Variants in SH3KBP1 observed in about 807,000 individuals in gnomAD.
SH3KBP1 encodes SH3 domain-containing kinase-binding protein 1.
SH3KBP1 carries 8 observed loss-of-function variants against 50.1 expected under a neutral mutation model. The ratio of observed to expected loss-of-function variants is 0.16; its 90% CI spans 0.09 to 0.29. SH3KBP1 has a LOEUF of 0.29. SH3KBP1 is among the 10% of genes least tolerant of loss of function. SH3KBP1 has a pLI of 1.00. For missense variants in SH3KBP1, 377 were observed against 535.2 expected, an observed-to-expected ratio of 0.70 and a Z score of 2.92; for synonymous variants, 227 against 218.6, an observed-to-expected ratio of 1.04 and a Z score of -0.34.
chrX:19,549,669 A>AT (rs921012523), intron 14 of SH3KBP1, among the ~76,000 whole-genome samples: 1 of 111,490 alleles, frequency 9.0e-6, no homozygotes, highest in East Asian at 2.8e-4. Flanking sequence ...ATAAAACGTG[A>AT]TTTTTTTTCT....
chrX:19,831,617 C>A lies in SH3KBP1; in HGVS notation c.162+4508G>T, dbSNP rs777834229. 2.8e-5 allele frequency among the ~76,000 whole-genome samples: 3 copies of A among 106,267 alleles called. No individual in the cohort carries two copies. The Admixed American group carries it at 3.1e-4, about 11-fold the overall frequency. The allele number at this position is 106,267 out of a possible 115,157, so 92.3% of individuals were successfully genotyped here. A position where few individuals can be genotyped will look rare whatever the true frequency, so the allele number is the denominator to read the frequency against. ...GACCAGCCTGACCAACATGGAGAAA[C>A]CCCGTCTCTACTAAAAATACAAAAT... On this transcript the variant is annotated intron_variant, in intron 2 of 17. Coordinates refer to ENST00000397821, the MANE Select transcript of SH3KBP1 (RefSeq NM_031892.3).
At chrX:19,617,691 A>G (rs1953511061) in intron 8 of SH3KBP1, among the ~76,000 whole-genome samples, 1 of 111,955 alleles carries the variant, frequency 8.9e-6, no homozygotes, top group African/African-American at 3.3e-5. Flanking sequence ...ATAATGGCGC[A>G]CACATAAAAT....
Position 19,613,337 on chromosome X carries a change from T to C in SH3KBP1, c.898-5292A>G, listed in dbSNP as rs1014941929. ...ACTCTAATACAAATGAGAAAGAGCA[T>C]TGTAGGCAGGTGAGGGGATGAACTC... On this transcript the variant is annotated intron_variant, in intron 8 of 17. Transcript: ENST00000397821. Among the ~76,000 whole-genome samples the C allele has an allele frequency of 3.6e-5, 4 of 111,629 alleles. No homozygotes were observed. In the East Asian group the frequency reaches 1.1e-3, roughly 31 times the overall value.
chrX:19,706,494 C>CT (rs1486711737), intron 4 of SH3KBP1, among the ~76,000 whole-genome samples: 3 of 110,592 alleles, frequency 2.7e-5, no homozygotes, highest in African/African-American at 6.6e-5. Flanking sequence ...AATGTCACTC[C>CT]TTTTTTTGCC....
chrX:19,757,015 G>C (rs2065227007), intron 2 of SH3KBP1, among the ~76,000 whole-genome samples: 2 of 111,182 alleles, frequency 1.8e-5, no homozygotes, highest in African/African-American at 6.5e-5. Context: ...CCGAGGGACA[G>C]AGAAAGCATA....
chrX:19,677,266 T>C (rs777266658), intron 6 of SH3KBP1, among the ~76,000 whole-genome samples: 4 of 111,537 alleles, frequency 3.6e-5, no homozygotes, highest in African/African-American at 1.3e-4. Flanking sequence ...AGTGATCATC[T>C]AAGTGACTCA....
chrX:19,568,441 C>T (rs1008541739), intron 13 of SH3KBP1, among the ~76,000 whole-genome samples: 1 of 111,458 alleles, frequency 9.0e-6, no homozygotes, highest in Admixed American at 9.5e-5. Context: ...GCCTTTATGT[C>T]AAAAAATAAA....
At chrX:19,740,527 CCTT>C (rs2064736591) in intron 3 of SH3KBP1, among the ~76,000 whole-genome samples, 1 of 112,073 alleles carries the variant, frequency 8.9e-6, no homozygotes, top group Non-Finnish European at 1.9e-5. Flanking sequence ...AACACCAGCT[CCTT>C]AAGTCAAATA....
chrX:19,694,868 G>T, intron 5 of SH3KBP1: 1 of 509,096 alleles, frequency 2.0e-6, no homozygotes, highest in Non-Finnish European at 3.3e-6. Context: ...GCAACCCCAG[G>T]TAGTGCTGCA....
At position 19,541,727 on chromosome X, in the gene SH3KBP1, C is replaced by T. The variant is rs994515303; in HGVS notation, c.1892+198G>A. Among the ~76,000 whole-genome samples, 5 of 111,968 alleles carry T rather than the reference C, an allele frequency of 4.5e-5. No individual in the cohort carries two copies. In the Admixed American group the frequency reaches 4.7e-4, roughly 11 times the overall value. ...GTGCCCTTCCTGCACACAGTAAGTC[C>T]AGCAAAAACATGCAGCATAATTTAG... On this transcript the variant is annotated intron_variant, in intron 16 of 17. Coordinates refer to ENST00000397821, the MANE Select transcript of SH3KBP1 (RefSeq NM_031892.3).
At chrX:19,769,075 ATTTTTT>A (rs36059368) in intron 2 of SH3KBP1, among the ~76,000 whole-genome samples, 1 of 81,141 alleles carries the variant, frequency 1.2e-5, no homozygotes, top group African/African-American at 5.2e-5. Flanking sequence ...CTGCGTTATA[ATTTTTT>A]TTTTTTTTTT....
At chrX:19,852,636 G>GAAAAAA (rs760707711) in intron 1 of SH3KBP1, among the ~76,000 whole-genome samples, 18 of 51,933 alleles carry the variant, frequency 3.5e-4, no homozygotes, top group African/African-American at 1.2e-3. Flanking sequence ...TAGCTGCACA[G>GAAAAAA]AAAAAAAAAA....
At chrX:19,780,406 G>A (rs1320922892) in intron 2 of SH3KBP1, among the ~76,000 whole-genome samples, 7 of 91,340 alleles carry the variant, frequency 7.7e-5, no homozygotes, top group Non-Finnish European at 1.5e-4. Context: ...TGTTCACTCT[G>A]ATGGTAGTTT....
intron 2 of SH3KBP1, among the ~76,000 whole-genome samples, chrX:19,758,047 C>T (rs774409222): frequency 8.2e-5 from 9 of 110,048 alleles, no homozygotes; most frequent in African/African-American, 2.3e-4. Context: ...GATTCAAGGC[C>T]GGGGGCAGTG....
intron 12 of SH3KBP1, among the ~76,000 whole-genome samples, chrX:19,584,232 A>G (rs1450588946): frequency 2.2e-5 from 2 of 92,056 alleles, no homozygotes; most frequent in African/African-American, 8.2e-5. Flanking sequence ...TTATAAATAT[A>G]TATAAATATA....
At chrX:19,672,107 T>C (rs2062812009) in intron 6 of SH3KBP1, among the ~76,000 whole-genome samples, 2 of 111,514 alleles carry the variant, frequency 1.8e-5, no homozygotes, top group South Asian at 7.4e-4. Context: ...TGTTTACTTA[T>C]CACACACACA....
In SH3KBP1 at chrX:19,706,976, G is replaced by A. The variant is rs1358291133; in HGVS notation, c.295C>T (p.Arg99Trp). The change falls in exon 4 of 18, where the codon CGG (arginine) becomes TGG (tryptophan). Residue 99 changes from arginine to tryptophan, a missense_variant. Coordinates refer to ENST00000397821, the MANE Select transcript of SH3KBP1 (RefSeq NM_031892.3). ...AATGCCACCTGGCACCGGCGCCTCC[G>A]TCGCTCGCCTGGATGGGAAAAGCAA... ...ILRTNKRGER[R>W]RRRCQVAFSY... 4.1e-6 allele frequency: 5 copies of A among 1,207,945 alleles called. No homozygotes were observed. The highest frequency in any genetic ancestry group is 4.3e-5 in the Admixed American group (2 of 46,062).
chrX:19,869,295 T>G (rs1231373802), intron 1 of SH3KBP1, among the ~76,000 whole-genome samples: 1 of 112,676 alleles, frequency 8.9e-6, no homozygotes, highest in Non-Finnish European at 1.9e-5. Context: ...TGCCTTCAGA[T>G]TTTGCTGGGC....
chrX:19,887,266 A>G lies in SH3KBP1; in HGVS notation c.4+41T>C, dbSNP rs915929167. 20 of 966,343 alleles carry G rather than the reference A, an allele frequency of 2.1e-5. No homozygotes were observed. The African/African-American group carries it at 4.2e-4, about 20-fold the overall frequency. The allele number at this position is 966,343 out of a possible 1,213,427, so 79.6% of individuals were successfully genotyped here. A position where few individuals can be genotyped will look rare whatever the true frequency, so the allele number is the denominator to read the frequency against. On this transcript the variant is annotated intron_variant, in intron 1 of 17. Coordinates refer to ENST00000397821, the MANE Select transcript of SH3KBP1 (RefSeq NM_031892.3). ...TTCTGGGACTGGCGCGCCGCCCTCA[A>G]GGCTGAAGTGGACGCCCGGACGCGG... is the stretch of plus-strand genomic sequence containing the variant.
Sources: gnomAD v4.1 joint callset for allele counts (sites outside exome capture counted in the v4.1 genomes callset) on GRCh38, gnomAD v4.1.1 for gene constraint, MANE v1.5 for transcripts, NCBI Gene and HGNC (gene_info 2026-07-23, HGNC 2026-07-21) for gene names.